Variants in BDNF observed in about 807,000 individuals in gnomAD.
BDNF encodes brain derived neurotrophic factor.
In BDNF, 1 loss-of-function variant was observed where a neutral mutation model predicts 19.5. The ratio of observed to expected loss-of-function variants is 0.05; its 90% CI spans 0.02 to 0.24. BDNF has a LOEUF of 0.24. Ranked by LOEUF, BDNF falls within the 10% of genes least tolerant of loss-of-function variation. The probability of loss-of-function intolerance (pLI) is 1.00; values close to 1 mark genes in which losing one functional copy is unlikely to be tolerated. For missense variants in BDNF, 195 were observed against 317.6 expected, an observed-to-expected ratio of 0.61 and a Z score of 2.93; for synonymous variants, 100 against 121.6, an observed-to-expected ratio of 0.82 and a Z score of 1.17.
At chr11:27,659,827 C>G (rs568989019) in intron 1 of BDNF, among the ~76,000 whole-genome samples, 1 of 152,324 alleles carries the variant, frequency 6.6e-6, no homozygotes, top group East Asian at 1.9e-4. Context: ...GGTTGCTCTA[C>G]TCTAAATTTG....
intron 1 of BDNF, among the ~76,000 whole-genome samples, chr11:27,709,970 A>G (rs1034045916): frequency 1.4e-4 from 22 of 152,264 alleles, no homozygotes; most frequent in Non-Finnish European, 8.8e-5. Flanking sequence ...AATGATATAC[A>G]GTTCCTGAGC....
At chr11:27,703,210 G>A (rs528158257), upstream of BDNF, among the ~76,000 whole-genome samples, 1 of 152,104 alleles carries the variant, frequency 6.6e-6, no homozygotes, top group Non-Finnish European at 1.5e-5. Context: ...GACCCTCTGC[G>A]TTGGTTCCCA....
chr11:27,660,239 C>T (rs1853239060), intron 1 of BDNF: 1 of 1,242,376 alleles, frequency 8.0e-7, no homozygotes, highest in Non-Finnish European at 1.0e-6. Flanking sequence ...TAAGAAATAA[C>T]ATTTTCAACC....
intron 1 of BDNF, chr11:27,720,224 G>A: frequency 1.4e-5 from 10 of 700,512 alleles, no homozygotes; most frequent in Non-Finnish European, 1.8e-5. Context: ...CAAATACCAA[G>A]AAACAACCCC....
chr11:27,657,918 C>T lies in BDNF; in HGVS notation c.647G>A (p.Arg216Gln). Residue 216 changes from arginine to glutamine, a missense_variant, in exon 2 of 2, where the codon CGG (arginine) becomes CAG (glutamine). This residue lies in a region of BDNF where 71 missense variants were observed against 162.6 expected (regional missense o/e 0.44). Coordinates refer to ENST00000356660, the MANE Select transcript of BDNF (RefSeq NM_001709.5). This position sits in a 1 kb window ranked among gnomAD's most constrained non-coding sequence, Gnocchi z 5.0. ...SQCRTTQSYVRALTMDSKKRI... is the reference protein window; with the variant it reads ...SQCRTTQSYVQALTMDSKKRI... The stretch of plus-strand genomic sequence containing the variant: ...CTTTTTGCTATCCATGGTAAGGGCC[C>T]GCACGTACGACTGGGTAGTTCGGCA... The T allele has an allele frequency of 6.2e-7, 1 of 1,614,156 alleles. No individual in the cohort carries two copies.
chr11:27,697,391 G>C (rs538556738), intron 1 of BDNF: 10 of 152,186 alleles, frequency 6.6e-5, no homozygotes, highest in Non-Finnish European at 1.2e-4. Context: ...AAAGGGAATA[G>C]CTTACATTTT....
intron 1 of BDNF, among the ~76,000 whole-genome samples, chr11:27,683,315 C>A (rs1857078332): frequency 6.6e-6 from 1 of 152,092 alleles, no homozygotes; most frequent in Admixed American, 6.6e-5. Context: ...AGCCTTTTGT[C>A]AGATGGATAC....
chr11:27,668,564 G>A (rs567268416), intron 1 of BDNF, among the ~76,000 whole-genome samples: 201 of 151,938 alleles, frequency 1.3e-3, no homozygotes, highest in African/African-American at 4.6e-3. Flanking sequence ...TGCAATAAAA[G>A]GTGATAAAGG....
chr11:27,682,513 C>T (rs1437996230), intron 1 of BDNF, among the ~76,000 whole-genome samples: 1 of 151,876 alleles, frequency 6.6e-6, no homozygotes, highest in Non-Finnish European at 1.5e-5. Flanking sequence ...CACTCATCAA[C>T]TTGTCATCTA....
chr11:27,710,360 G>A (rs1209221248), intron 1 of BDNF, among the ~76,000 whole-genome samples: 1 of 152,194 alleles, frequency 6.6e-6, no homozygotes, highest in Non-Finnish European at 1.5e-5. Flanking sequence ...TCAGGAAGAT[G>A]CCCAAGTAGA....
chr11:27,677,426 A>G (rs1366969516), intron 1 of BDNF: 1 of 152,104 alleles, frequency 6.6e-6, no homozygotes, highest in Non-Finnish European at 1.5e-5. Context: ...AATAGTGTAT[A>G]TATGGCTACT....
At chr11:27,659,420 A>T (rs1853038986) in intron 1 of BDNF, 1 of 1,000,228 alleles carries the variant, frequency 1.0e-6, no homozygotes, top group Admixed American at 6.1e-5. Flanking sequence ...GCCTGGGGCT[A>T]ATGTCATGAA....
At chr11:27,700,014 A>C (rs1859716745) in intron 1 of BDNF, 150 bp downstream of exon 1, 2 of 804,220 alleles carry the variant, frequency 2.5e-6, no homozygotes, top group Admixed American at 6.0e-5. Context: ...AAACTCCCCA[A>C]GAGTAACTCC....
upstream of BDNF, among the ~76,000 whole-genome samples, chr11:27,702,916 C>CT (rs1396373609): frequency 6.6e-6 from 1 of 152,212 alleles, no homozygotes; most frequent in Non-Finnish European, 1.5e-5. Flanking sequence ...CTAAGTGAAG[C>CT]TATCTGTTCC....
At chr11:27,717,352 G>A (rs1860553619) in intron 1 of BDNF, among the ~76,000 whole-genome samples, 1 of 152,174 alleles carries the variant, frequency 6.6e-6, no homozygotes, top group Non-Finnish European at 1.5e-5. Flanking sequence ...AAAATGATAT[G>A]TGCAAAGAGA....
At chr11:27,673,688 C>G (rs750175592) in intron 1 of BDNF, among the ~76,000 whole-genome samples, 1 of 152,124 alleles carries the variant, frequency 6.6e-6, no homozygotes, top group Non-Finnish European at 1.5e-5. Flanking sequence ...TTTCCATAGA[C>G]AGTGTATTCT....
Position 27,657,919 on chromosome 11 carries a change from G to T in BDNF, c.646C>A (p.Arg216=), listed in dbSNP as rs767130961. The T allele has an allele frequency of 1.2e-6, 2 of 1,614,086 alleles. No individual in the cohort carries two copies. The highest frequency in any genetic ancestry group is 1.7e-6 in the Non-Finnish European group (2 of 1,180,028). The part of the protein sequence containing the change: ...SQCRTTQSYV[R]ALTMDSKKRI... ...TTTTTGCTATCCATGGTAAGGGCCCGCACGTACGACTGGGTAGTTCGGCAC... is the reference window on the plus strand; with the variant it reads ...TTTTTGCTATCCATGGTAAGGGCCCTCACGTACGACTGGGTAGTTCGGCAC... Residue 216 remains arginine, a synonymous_variant, in exon 2 of 2, where the codon CGG becomes AGG. Transcript: ENST00000356660. The surrounding 1 kb of genome is among the most constrained non-coding windows in gnomAD (Gnocchi z 5.0).
chr11:27,659,530 C>T, intron 1 of BDNF: 3 of 1,000,352 alleles, frequency 3.0e-6, no homozygotes, highest in Non-Finnish European at 3.6e-6. Context: ...ACTTTATCTC[C>T]TCCAGTTCTC....
intron 1 of BDNF, among the ~76,000 whole-genome samples, chr11:27,669,372 C>A (rs535139987): frequency 1.3e-5 from 2 of 152,304 alleles, no homozygotes; most frequent in South Asian, 4.1e-4. Context: ...TCTGTCACCA[C>A]TCCTATTCAA....
Sources: allele counts gnomAD v4.1 joint callset (sites outside exome capture counted in the v4.1 genomes callset), GRCh38; gene constraint gnomAD v4.1.1; regional missense constraint gnomAD v4.1.1; non-coding constraint Gnocchi (gnomAD v3.1); transcripts MANE v1.5; gene names NCBI Gene and HGNC (gene_info 2026-07-23, HGNC 2026-07-21).